The following THADA variants were observed in gnomAD, a reference collection of about 807,000 sequenced individuals.
THADA encodes the protein THADA armadillo repeat containing, also known as tRNA (32-2'-O)-methyltransferase regulator THADA.
Under a neutral mutation model 219.8 loss-of-function variants are expected in THADA, and 213 were observed. The ratio of observed to expected loss-of-function variants is 0.97; its 90% CI spans 0.87 to 1.09. THADA has a LOEUF of 1.09. Ranked by LOEUF, THADA falls within the 50% of genes least tolerant of loss-of-function variation. The pLI is 0.00. For missense variants in THADA, 2,956 were observed against 2,311.3 expected (o/e 1.28, Z -5.72); for synonymous variants, 1,018 against 828.9 (o/e 1.23, Z -3.92).
In THADA at chr2:43,424,856, G is replaced by A. The variant is rs184207520; in HGVS notation, c.4058+3244C>T. Among the ~76,000 whole-genome samples, 656 of 152,246 alleles carry A rather than the reference G, an allele frequency of 4.3e-3. 7 individuals carry two copies. The highest frequency in any genetic ancestry group is 0.015 in the African/African-American group (624 of 41,542). On this transcript the variant is annotated intron_variant, in intron 28 of 37. Transcript: ENST00000405975. ...TATAACCCCAGGCGATTGTCACCAT[G>A]TGCCACACATGGTTAACCAATCCAA...
chr2:43,511,018 T>G (rs1286739077), intron 22 of THADA, among the ~76,000 whole-genome samples: 1 of 151,908 alleles, frequency 6.6e-6, no homozygotes, highest in Non-Finnish European at 1.5e-5. Context: ...AATTTTTTTT[T>G]GGTGATTTAG....
chr2:43,439,896 A>G (rs530204476), intron 26 of THADA, among the ~76,000 whole-genome samples: 1 of 152,164 alleles, frequency 6.6e-6, no homozygotes, highest in Non-Finnish European at 1.5e-5. Flanking sequence ...ATATTCTTTT[A>G]CCTATTTCAT....
chr2:43,523,598 T>C (rs1692770993), intron 22 of THADA, among the ~76,000 whole-genome samples: 1 of 152,210 alleles, frequency 6.6e-6, no homozygotes, highest in African/African-American at 2.4e-5. Context: ...TGAATCATGG[T>C]AGCTATAATT....
intron 26 of THADA, among the ~76,000 whole-genome samples, chr2:43,443,501 T>TATAGCGAGCCCTGGGG (rs1681115302): frequency 6.6e-6 from 1 of 152,152 alleles, no homozygotes; most frequent in Admixed American, 6.5e-5. Flanking sequence ...CCACTGCAGA[T>TATAGCGAGCCCTGGGG]ATAGCGAGCC....
intron 4 of THADA, among the ~76,000 whole-genome samples, chr2:43,590,270 T>C (rs1485398213): frequency 1.3e-5 from 2 of 152,158 alleles, no homozygotes; most frequent in Non-Finnish European, 2.9e-5. Context: ...AACAGCAAGA[T>C]GACATTTAAA....
intron 24 of THADA, among the ~76,000 whole-genome samples, chr2:43,505,255 T>G (rs1211673674): frequency 6.6e-6 from 1 of 152,108 alleles, no homozygotes; most frequent in Admixed American, 6.6e-5. Context: ...CACCAGAGTT[T>G]AAAAATTGTT....
At chr2:43,384,911 C>T (rs942234557) in intron 29 of THADA, among the ~76,000 whole-genome samples, 2 of 151,670 alleles carry the variant, frequency 1.3e-5, no homozygotes, top group African/African-American at 4.8e-5. Context: ...AGGCCGAAGA[C>T]ATGCAGATCA....
intron 7 of THADA, among the ~76,000 whole-genome samples, 165 bp from the exon 8 acceptor site, chr2:43,582,093 G>C (rs375174513): frequency 9.5e-4 from 144 of 152,178 alleles, no homozygotes; most frequent in Middle Eastern, 3.4e-3. Flanking sequence ...CAATTATGTA[G>C]ACATTAATTG....
chr2:43,434,888 G>GA (rs1326502925), intron 26 of THADA, among the ~76,000 whole-genome samples: 5 of 152,320 alleles, frequency 3.3e-5, no homozygotes, highest in Middle Eastern at 3.4e-3. Flanking sequence ...CAGCTAAACT[G>GA]AAAGAGCACT....
chr2:43,514,723 A>G (rs1485093073), intron 22 of THADA, among the ~76,000 whole-genome samples: 1 of 86,690 alleles, frequency 1.2e-5, no homozygotes, highest in Non-Finnish European at 1.9e-5. Context: ...AATATATATT[A>G]TATATAATAT....
intron 26 of THADA, among the ~76,000 whole-genome samples, chr2:43,442,118 C>A (rs556275926): frequency 1.3e-5 from 2 of 152,086 alleles, no homozygotes; most frequent in Non-Finnish European, 2.9e-5. Context: ...TCGGGGACAT[C>A]ATTATGGATA....
chr2:43,524,687 A>G (rs553869978), intron 22 of THADA, among the ~76,000 whole-genome samples: 2 of 152,226 alleles, frequency 1.3e-5, no homozygotes, highest in African/African-American at 2.4e-5. Flanking sequence ...TGTTCAGCAG[A>G]TTTGAAATGT....
intron 31 of THADA, among the ~76,000 whole-genome samples, chr2:43,319,247 G>A (rs900900893): frequency 2.0e-5 from 3 of 152,176 alleles, no homozygotes; most frequent in Non-Finnish European, 4.4e-5. Context: ...ACGGTGACCA[G>A]TAATTTATTA....
intron 22 of THADA, among the ~76,000 whole-genome samples, chr2:43,511,190 T>C (rs1196650690): frequency 1.3e-5 from 2 of 152,080 alleles, no homozygotes; most frequent in African/African-American, 4.8e-5. Flanking sequence ...TCGTCTCCTG[T>C]AGGGGATTTG....
chr2:43,541,747 G>T (rs1695351080), intron 20 of THADA, among the ~76,000 whole-genome samples: 1 of 152,018 alleles, frequency 6.6e-6, no homozygotes, highest in African/African-American at 2.4e-5. Flanking sequence ...TCTCGCTTGG[G>T]CCTCCCAAAG....
intron 26 of THADA, among the ~76,000 whole-genome samples, chr2:43,482,624 G>T (rs935352762): frequency 1.3e-5 from 2 of 152,088 alleles, no homozygotes; most frequent in African/African-American, 2.4e-5. Flanking sequence ...TTCTCCTCTA[G>T]TAACAAAATT....
Position 43,359,058 on chromosome 2 carries a change from T to C in THADA, c.4228-14821A>G, listed in dbSNP as rs1023020335. Among the ~76,000 whole-genome samples, 6 of 152,206 alleles carry C rather than the reference T, an allele frequency of 3.9e-5. 1 individual carries two copies. The highest frequency in any genetic ancestry group is 8.8e-5 in the Non-Finnish European group (6 of 68,040). ...ATTTGCCACTCAAAATCTCCAGCAGTGAGGTCCAGGAACATCTGTTGCATC... is the reference window on the plus strand; with the variant it reads ...ATTTGCCACTCAAAATCTCCAGCAGCGAGGTCCAGGAACATCTGTTGCATC... On this transcript the variant is annotated intron_variant, in intron 29 of 37. Transcript: ENST00000405975.
At chr2:43,542,888 T>TGA (rs1695506582) in intron 20 of THADA, among the ~76,000 whole-genome samples, 1 of 152,102 alleles carries the variant, frequency 6.6e-6, no homozygotes. Context: ...TTATTATACT[T>TGA]TAAGTTTTAG....
chr2:43,501,714 C>T (rs1424027418), intron 24 of THADA, among the ~76,000 whole-genome samples: 1 of 152,092 alleles, frequency 6.6e-6, no homozygotes, highest in Non-Finnish European at 1.5e-5. Context: ...GAGGCCTTAG[C>T]GGGCAGATCA....
Sources: gnomAD v4.1 joint callset for allele counts (sites outside exome capture counted in the v4.1 genomes callset) on GRCh38, gnomAD v4.1.1 for gene constraint, MANE v1.5 for transcripts, NCBI Gene and HGNC (gene_info 2026-07-23, HGNC 2026-07-21) for gene names.